FMN2: variants seen among roughly 807,000 people sequenced by gnomAD.
The protein encoded by FMN2 is formin-2.
Under a neutral mutation model 142.3 loss-of-function variants are expected in FMN2, and 51 were observed. The observed-to-expected ratio is 0.36, with a 90% CI of 0.29 to 0.45. FMN2 has a LOEUF of 0.45. Among genes scored for constraint, FMN2 ranks in the 20% least tolerant of loss-of-function variants. The pLI, the probability that FMN2 is intolerant of heterozygous loss-of-function variation, is 1.00. For synonymous variants in FMN2, 882 were observed against 869.8 expected, an observed-to-expected ratio of 1.01 and a Z score of -0.25; for missense variants, 1,936 against 2,122.8, an observed-to-expected ratio of 0.91 and a Z score of 1.73.
chr1:240,330,698 A>G lies in FMN2; in HGVS notation c.4533A>G (p.Ala1511=), dbSNP rs1247034783. Residue 1511 remains alanine (A), a synonymous_variant, in exon 11 of 18, where the codon GCA becomes GCG. Transcript: ENST00000319653. The part of the protein sequence containing the change: ...MNGGNKTRGQ[A]DGFGLDILPK... ...GAGGAAATAAGACTCGAGGACAGGCAGATGGCTTTGGATTAGACATTCTTC... is the reference window on the plus strand; with the variant it reads ...GAGGAAATAAGACTCGAGGACAGGCGGATGGCTTTGGATTAGACATTCTTC... The G allele has an allele frequency of 6.2e-7, 1 of 1,614,062 alleles. No homozygotes were observed. Among genetic ancestry groups the G allele is most frequent in the African/African-American group, 1.3e-5 (1 of 75,062 alleles).
At chr1:240,163,109 C>T (rs1249129503) in intron 2 of FMN2, among the ~76,000 whole-genome samples, 4 of 152,044 alleles carry the variant, frequency 2.6e-5, no homozygotes, top group African/African-American at 9.7e-5. Context: ...AGAAAACATA[C>T]TCTTCATTTC....
At chr1:240,446,712 A>C (rs1675828463) in intron 16 of FMN2, among the ~76,000 whole-genome samples, 1 of 152,216 alleles carries the variant, frequency 6.6e-6, no homozygotes, top group South Asian at 2.1e-4. Flanking sequence ...AATAATATCA[A>C]ATTAACAAAT....
At chr1:240,157,689 C>T (rs1267082204) in intron 2 of FMN2, among the ~76,000 whole-genome samples, 6 of 152,194 alleles carry the variant, frequency 3.9e-5, no homozygotes, top group African/African-American at 1.2e-4. Flanking sequence ...CTTGATATTT[C>T]AGGCATTATG....
At position 240,123,348 on chromosome 1, in the gene FMN2, A is replaced by G. The variant is rs1343632019; in HGVS notation, c.1782+3A>G. 7 of 1,612,362 alleles carry G rather than the reference A, an allele frequency of 4.3e-6. No individual in the cohort carries two copies. In the East Asian group the frequency reaches 1.6e-4, roughly 36 times the overall value. On this transcript the variant is annotated splice_donor_region_variant and intron_variant, in intron 2 of 17. Transcript: ENST00000319653. ...AGACGAATGCAGCTTCGTTTGATGT[A>G]AGTAGGAGAATTCACTTCTGTCCGT...
At chr1:240,193,189 C>T (rs1665777244) in intron 4 of FMN2, among the ~76,000 whole-genome samples, 1 of 152,054 alleles carries the variant, frequency 6.6e-6, no homozygotes, top group Non-Finnish European at 1.5e-5. Flanking sequence ...AGCAGCTAAT[C>T]CAATGGGGGT....
At chr1:240,340,706 T>C (rs745886920) in intron 13 of FMN2, among the ~76,000 whole-genome samples, 5 of 152,226 alleles carry the variant, frequency 3.3e-5, no homozygotes, top group African/African-American at 4.8e-5. Flanking sequence ...CCTCTTATTT[T>C]CAATAATTTT....
intron 13 of FMN2, among the ~76,000 whole-genome samples, chr1:240,340,469 T>C (rs1483127552): frequency 6.6e-6 from 1 of 152,000 alleles, no homozygotes; most frequent in African/African-American, 2.4e-5. Context: ...TAATCCCAGC[T>C]ACTCGGGAGG....
At chr1:240,184,410 A>G (rs1665298811) in intron 3 of FMN2, among the ~76,000 whole-genome samples, 2 of 148,092 alleles carry the variant, frequency 1.4e-5, no homozygotes, top group Middle Eastern at 3.5e-3. Context: ...TCATTTTTGT[A>G]TTTTTAGTAG....
At chr1:240,154,732 A>G (rs888284874) in intron 2 of FMN2, 2 of 152,222 alleles carry the variant, frequency 1.3e-5, no homozygotes, top group Admixed American at 6.5e-5. Flanking sequence ...TGAACAATCA[A>G]TTGAAATCAA....
intron 15 of FMN2, among the ~76,000 whole-genome samples, chr1:240,413,122 A>C (rs866936216): frequency 0.015 from 885 of 57,688 alleles, 14 homozygotes; most frequent in African/African-American, 0.067. Flanking sequence ...GACTCTGTCA[A>C]AAAAAAAAAA....
intron 14 of FMN2, among the ~76,000 whole-genome samples, chr1:240,357,300 T>A (rs12083201): frequency 0.1 from 15,249 of 152,264 alleles, 927 homozygotes; most frequent in African/African-American, 0.17. Flanking sequence ...CTCTTATTCT[T>A]GGTCACATTA....
At chr1:240,289,692 T>TA (rs933714948) in intron 7 of FMN2, among the ~76,000 whole-genome samples, 1 of 151,448 alleles carries the variant, frequency 6.6e-6, no homozygotes, top group Non-Finnish European at 1.5e-5. Flanking sequence ...TGTCTCTCTC[T>TA]AAAAAAAAGG....
At chr1:240,129,993 T>C (rs1662670871) in intron 2 of FMN2, among the ~76,000 whole-genome samples, 1 of 152,180 alleles carries the variant, frequency 6.6e-6, no homozygotes, top group South Asian at 2.1e-4. Context: ...CAAATTCAGA[T>C]CGTATCTCTT....
intron 17 of FMN2, 38 bp from the exon 18 acceptor site, chr1:240,474,090 T>G (rs773642826): frequency 6.5e-7 from 1 of 1,533,040 alleles, no homozygotes; most frequent in South Asian, 1.3e-5. Flanking sequence ...TAAAAGTTCT[T>G]TCTAACTAAA....
At chr1:240,379,152 AG>A (rs1269968608) in intron 14 of FMN2, among the ~76,000 whole-genome samples, 1 of 152,206 alleles carries the variant, frequency 6.6e-6, no homozygotes, top group Non-Finnish European at 1.5e-5. Flanking sequence ...AGCTTTGCTT[AG>A]GCTAGTCTGG....
chr1:240,411,354 C>T (rs180881690), intron 15 of FMN2, among the ~76,000 whole-genome samples: 4 of 152,144 alleles, frequency 2.6e-5, no homozygotes, highest in East Asian at 1.9e-4. Context: ...AGGCGGATCA[C>T]GAGGTTAGGA....
chr1:240,282,633 G>A (rs970275405), intron 7 of FMN2, among the ~76,000 whole-genome samples: 4 of 152,188 alleles, frequency 2.6e-5, no homozygotes, highest in African/African-American at 9.7e-5. Flanking sequence ...CACGTCTTCT[G>A]GCAAGATGCC....
At chr1:240,384,635 A>G (rs535374205) in intron 14 of FMN2, among the ~76,000 whole-genome samples, 1 of 151,978 alleles carries the variant, frequency 6.6e-6, no homozygotes, top group African/African-American at 2.4e-5. Flanking sequence ...TCTTTTCCTT[A>G]TTGACTTCTC....
chr1:240,138,470 C>G (rs373782839), intron 2 of FMN2, among the ~76,000 whole-genome samples: 2 of 151,746 alleles, frequency 1.3e-5, no homozygotes, highest in Admixed American at 1.3e-4. Flanking sequence ...GAGGCTGAGG[C>G]GGGCGGATCA....
Sources: gnomAD v4.1 joint callset for allele counts (sites outside exome capture counted in the v4.1 genomes callset) on GRCh38, gnomAD v4.1.1 for gene constraint, MANE v1.5 for transcripts, NCBI Gene and HGNC (gene_info 2026-07-23, HGNC 2026-07-21) for gene names.